SHANK2: variants seen among roughly 807,000 people sequenced by gnomAD.
The protein encoded by SHANK2 is SH3 and multiple ankyrin repeat domains 2.
Under a neutral mutation model 133.7 loss-of-function variants are expected in SHANK2, and 43 were observed. That is an observed-to-expected ratio of 0.32 (90% CI 0.25 to 0.41). The LOEUF (loss-of-function observed/expected upper bound fraction) is 0.41. Ranked by LOEUF, SHANK2 falls within the 10% of genes least tolerant of loss-of-function variation. The probability of loss-of-function intolerance (pLI) is 1.00; values close to 1 mark genes in which losing one functional copy is unlikely to be tolerated. For synonymous variants in SHANK2, 1,017 were observed against 952.8 expected (o/e 1.07, Z -1.24); for missense variants, 1,994 against 2,235.8 (o/e 0.89, Z 2.18).
intron 9 of SHANK2, among the ~76,000 whole-genome samples, chr11:71,057,541 T>C (rs992551156): frequency 1.3e-4 from 19 of 151,938 alleles, no homozygotes; most frequent in Non-Finnish European, 2.2e-4. Context: ...ACAGAAGGAA[T>C]CTTTTTACAC....
At chr11:70,515,826 A>G (rs1306555702) in intron 17 of SHANK2, among the ~76,000 whole-genome samples, 17 of 152,160 alleles carry the variant, frequency 1.1e-4, no homozygotes, top group Admixed American at 9.8e-4. Context: ...AATTTTTTTT[A>G]TACCTGCTAT....
intron 14 of SHANK2, among the ~76,000 whole-genome samples, chr11:70,756,066 C>G (rs1371004169): frequency 6.6e-6 from 1 of 152,126 alleles, no homozygotes; most frequent in Admixed American, 6.5e-5. Flanking sequence ...CTGCTCTGAG[C>G]TCGTTTCCTC....
chr11:71,210,223 TATATATATATATATATATATATATATA>T (rs1954231545), intron 2 of SHANK2, among the ~76,000 whole-genome samples: 1 of 64,174 alleles, frequency 1.6e-5, no homozygotes, highest in Admixed American at 1.7e-4. Context: ...TATATATATA[TATATATATATATATATATATATATATA>T]TATTTATTTA....
At chr11:71,089,994 C>T (rs1030520996) in intron 8 of SHANK2, among the ~76,000 whole-genome samples, 22 of 152,276 alleles carry the variant, frequency 1.4e-4, no homozygotes, top group Admixed American at 7.2e-4. Context: ...GGAAGCAGCT[C>T]CCCCAACCCA....
At position 71,061,971 on chromosome 11, in the gene SHANK2, C is replaced by CTTTTTTTTT. The variant is rs1216736346; in HGVS notation, c.1030-5422_1030-5414dup. On this transcript the variant is annotated intron_variant, in intron 9 of 25. Transcript: ENST00000601538. ...TTCCAACTCCAAAAAGTCTTTCTTTCTTTTTTTTTTTTTTTTTTTTTTCTT... is the reference window on the plus strand; with the variant it reads ...TTCCAACTCCAAAAAGTCTTTCTTTCTTTTTTTTTTTTTTTTTTTTTTTTTTTTTTTCTT... 2.6e-3 allele frequency among the ~76,000 whole-genome samples: 285 copies of CTTTTTTTTT among 109,512 alleles called. 2 individuals are homozygous for CTTTTTTTTT. Among genetic ancestry groups the CTTTTTTTTT allele is most frequent in the Non-Finnish European group, 3.5e-3 (196 of 56,150 alleles). The allele number at this position is 109,512 out of a possible 152,430, so 71.8% of individuals were successfully genotyped here.
chr11:70,572,439 C>T (rs782747458), intron 17 of SHANK2, among the ~76,000 whole-genome samples: 1 of 152,192 alleles, frequency 6.6e-6, no homozygotes, highest in Non-Finnish European at 1.5e-5. Flanking sequence ...GAATTACAGC[C>T]GTGAGCCACC....
At chr11:70,945,819 C>G (rs1950717474) in intron 10 of SHANK2, among the ~76,000 whole-genome samples, 1 of 152,132 alleles carries the variant, frequency 6.6e-6, no homozygotes, top group African/African-American at 2.4e-5. Context: ...AGGGCTCACC[C>G]TTCCAGCGCA....
intron 14 of SHANK2, among the ~76,000 whole-genome samples, chr11:70,772,118 C>T (rs1947262725): frequency 1.3e-5 from 2 of 152,032 alleles, no homozygotes; most frequent in Admixed American, 1.3e-4. Flanking sequence ...AGCATGGGGC[C>T]CGTGTAACAG....
Position 70,485,956 on chromosome 11 carries a change from G to A in SHANK2, c.4337C>T (p.Pro1446Leu), listed in dbSNP as rs1189920032. ...GCTGGAGTTCAACGAAGGGGACTGA[G>A]GGGTGTCGCTTTTCTTCTGCTTCAC... ...DLVKQKKSDT[P>L]QSPSLNSSQP... Residue 1446 changes from proline (P) to leucine (L), a missense_variant, in exon 25 of 26, where the codon CCT becomes CTT. Physicochemically the swap from Pro to Leu is moderately conservative, Grantham distance 98. Around this residue, in one of 5 missense-constraint regions of SHANK2, gnomAD observed 797 missense variants for 907.4 expected, o/e 0.88. Transcript: ENST00000601538. This position sits in a 1 kb window ranked among gnomAD's most constrained non-coding sequence, Gnocchi z 5.8. 1.7e-5 allele frequency: 28 copies of A among 1,614,052 alleles called. No homozygotes were observed. Among genetic ancestry groups the A allele is most frequent in the Non-Finnish European group, 2.4e-5 (28 of 1,180,044 alleles).
chr11:70,782,851 G>T (rs1193401749), intron 14 of SHANK2, among the ~76,000 whole-genome samples: 1 of 152,162 alleles, frequency 6.6e-6, no homozygotes, highest in East Asian at 1.9e-4. Flanking sequence ...CAGCACGTCC[G>T]CAGCGGAAGG....
intron 14 of SHANK2, among the ~76,000 whole-genome samples, chr11:70,765,790 C>A (rs958342842): frequency 3.7e-4 from 56 of 152,138 alleles, no homozygotes; most frequent in Non-Finnish European, 6.3e-4. Flanking sequence ...TTCAGTTTCC[C>A]CATACATGAA....
At chr11:70,680,804 T>C (rs934621547) in intron 15 of SHANK2, among the ~76,000 whole-genome samples, 2 of 152,176 alleles carry the variant, frequency 1.3e-5, no homozygotes, top group Non-Finnish European at 2.9e-5. Context: ...TTCAACAATC[T>C]TTCGCAGATT....
intron 14 of SHANK2, among the ~76,000 whole-genome samples, chr11:70,794,747 G>A (rs576217871): frequency 1.3e-4 from 20 of 152,128 alleles, no homozygotes; most frequent in Non-Finnish European, 2.2e-4. Flanking sequence ...AGTAGAGACA[G>A]GTTTCACCAT....
chr11:70,772,922 C>T (rs1321352837), intron 14 of SHANK2, among the ~76,000 whole-genome samples: 1 of 152,108 alleles, frequency 6.6e-6, no homozygotes, highest in Admixed American at 6.5e-5. Context: ...ATATGTAAAA[C>T]CAATACAATT....
At chr11:70,693,865 G>A (rs1376744697) in intron 15 of SHANK2, among the ~76,000 whole-genome samples, 1 of 152,184 alleles carries the variant, frequency 6.6e-6, no homozygotes, top group Non-Finnish European at 1.5e-5. Context: ...TACATGGATG[G>A]ATGAATGGAT....
chr11:71,188,030 C>T lies in SHANK2; in HGVS notation c.-13+36667G>A, dbSNP rs1419932852. ...GGCTTCGTGTCTTCTACTGGTATCACGAAACTGAGGTAGGCTAACCTGGCG... is the reference window on the plus strand; with the variant it reads ...GGCTTCGTGTCTTCTACTGGTATCATGAAACTGAGGTAGGCTAACCTGGCG... On this transcript the variant is annotated intron_variant, in intron 2 of 25. Transcript: ENST00000601538. The surrounding 1 kb of genome is among the most constrained non-coding windows in gnomAD (Gnocchi z 4.6). Among the ~76,000 whole-genome samples the T allele has an allele frequency of 2.0e-5, 3 of 152,144 alleles. No homozygotes were observed. The highest frequency in any genetic ancestry group is 6.5e-5 in the Admixed American group (1 of 15,282).
intron 17 of SHANK2, among the ~76,000 whole-genome samples, chr11:70,599,044 G>C (rs753121285): frequency 4.7e-4 from 71 of 150,392 alleles, no homozygotes; most frequent in Non-Finnish European, 8.0e-4. Context: ...TTTTATTGCA[G>C]GTCCTAGCTA....
intron 17 of SHANK2, among the ~76,000 whole-genome samples, chr11:70,567,422 T>G (rs550757401): frequency 1.5e-4 from 22 of 150,800 alleles, no homozygotes; most frequent in African/African-American, 5.4e-4. Context: ...AGGTCAGGAG[T>G]TTGAGACCAG....
At chr11:70,501,772 C>A (rs1029077891) in intron 20 of SHANK2, 151 bp downstream of exon 20, 1 of 781,876 alleles carries the variant, frequency 1.3e-6, no homozygotes, top group Non-Finnish European at 2.1e-6. Context: ...ACGCTATCTA[C>A]ACACAGATCC....
Sources: gnomAD v4.1 joint callset for allele counts (sites outside exome capture counted in the v4.1 genomes callset) on GRCh38, gnomAD v4.1.1 for gene constraint, gnomAD v4.1.1 regional missense constraint, Gnocchi (gnomAD v3.1) non-coding constraint, MANE v1.5 for transcripts, NCBI Gene and HGNC (gene_info 2026-07-23, HGNC 2026-07-21) for gene names.